The following MBD1 variants were observed in gnomAD, a reference collection of about 807,000 sequenced individuals.
MBD1 encodes the protein methyl-CpG-binding domain protein 1.
Under a neutral mutation model 82.6 loss-of-function variants are expected in MBD1, and 25 were observed. The ratio of observed to expected loss-of-function variants is 0.30; its 90% CI spans 0.22 to 0.42. MBD1 has a LOEUF of 0.42. MBD1 is among the 10% of genes least tolerant of loss of function. The pLI, the probability that MBD1 is intolerant of heterozygous loss-of-function variation, is 1.00. For synonymous variants in MBD1, 301 were observed against 303.7 expected (o/e 0.99, Z 0.09); for missense variants, 627 against 819.6 (o/e 0.76, Z 2.87).
At position 50,273,876 on chromosome 18, in the gene MBD1, A is replaced by T; in HGVS notation, c.1147-13T>A. The T allele has an allele frequency of 6.2e-7, 1 of 1,610,806 alleles. No homozygotes were observed. Among genetic ancestry groups the T allele is most frequent in the Non-Finnish European group, 8.5e-7 (1 of 1,179,904 alleles). On this transcript the variant is annotated splice_polypyrimidine_tract_variant and intron_variant, in intron 11 of 16. Coordinates refer to ENST00000269468, the MANE Select transcript of MBD1 (RefSeq NM_015846.4). ...GCAGCAGCCGCTTCTATGGGGAAAG[A>T]TAGGGTGCTATGGCTACCTGGTGTC...
intron 8 of MBD1, 97 bp from the exon 9 acceptor site, chr18:50,275,342 C>G: frequency 6.2e-7 from 1 of 1,612,570 alleles, no homozygotes; most frequent in Non-Finnish European, 8.5e-7. Flanking sequence ...ATGGGACAGG[C>G]AGACAGAGGG....
At chr18:50,274,664 A>G (rs1249748918) in intron 10 of MBD1, among the ~76,000 whole-genome samples, 1 of 152,076 alleles carries the variant, frequency 6.6e-6, no homozygotes, top group Non-Finnish European at 1.5e-5. Flanking sequence ...TTCCAGCAAC[A>G]TTTTGATAAC....
At chr18:50,272,469 T>C in intron 15 of MBD1, 1 of 644,262 alleles carries the variant, frequency 1.6e-6, no homozygotes. Context: ...CAAAGGAGAG[T>C]CCTAACCTGG....
rs1226572195 is a variant in MBD1, at chr18:50,276,539, T to C, written c.476-121A>G. The C allele has an allele frequency of 2.8e-6, 4 of 1,432,498 alleles. No individual in the cohort carries two copies. In the East Asian group the frequency reaches 9.2e-5, roughly 33 times the overall value. 88.7% of individuals were successfully genotyped at this position (1,432,498 alleles called of 1,614,324 possible). On this transcript the variant is annotated intron_variant, in intron 5 of 16. Transcript: ENST00000269468. The stretch of plus-strand genomic sequence containing the variant: ...CTACCTATGCCTGCTATCTCCAATA[T>C]CCAACCTCCAACCATGCCAGTAGCC...
intron 16 of MBD1, chr18:50,270,968 G>A (rs767828976): frequency 1.3e-4 from 121 of 904,048 alleles, no homozygotes; most frequent in Non-Finnish European, 1.6e-4. Flanking sequence ...CACATAAATG[G>A]ACAAAATCAA....
Position 50,275,239 on chromosome 18 carries a change from G to A in MBD1, c.799C>T (p.His267Tyr). 1.9e-6 allele frequency: 3 copies of A among 1,614,116 alleles called. No individual in the cohort carries two copies. Among genetic ancestry groups the A allele is most frequent in the South Asian group, 1.1e-5 (1 of 91,082 alleles). Reference protein sequence around the residue: ...CVQRRCLRGKHARRKGGCDSK... With the variant: ...CVQRRCLRGKYARRKGGCDSK... ...TCACAGCCTCCCTTGCGGCGGGCAT[G>A]TTTACCCTGGGAAAGATCAGAAAGG... Residue 267 changes from histidine to tyrosine, a missense_variant, in exon 9 of 17, where the codon CAT becomes TAT. His to Tyr is a moderately conservative substitution (Grantham distance 83). Coordinates refer to ENST00000269468, the MANE Select transcript of MBD1 (RefSeq NM_015846.4).
chr18:50,279,547 A>G (rs2039400385), intron 2 of MBD1, among the ~76,000 whole-genome samples: 1 of 152,366 alleles, frequency 6.6e-6, no homozygotes, highest in East Asian at 1.9e-4. Context: ...AAAATTAGAA[A>G]AATGTGACAC....
chr18:50,278,832 A>G (rs1215383532), intron 2 of MBD1, among the ~76,000 whole-genome samples: 3 of 152,230 alleles, frequency 2.0e-5, no homozygotes, highest in Non-Finnish European at 4.4e-5. Context: ...CTGTTTAAAC[A>G]CACATTACTT....
chr18:50,269,068 G>C lies in MBD1; in HGVS notation c.*783C>G. 1 of 986,848 alleles carries C rather than the reference G, an allele frequency of 1.0e-6. No homozygotes were observed. Among genetic ancestry groups the C allele is most frequent in the Non-Finnish European group, 1.2e-6 (1 of 830,644 alleles). 61.1% of individuals were successfully genotyped at this position (986,848 alleles called of 1,614,324 possible). On this transcript the variant is annotated 3_prime_UTR_variant, in exon 17 of 17. Coordinates refer to ENST00000269468, the MANE Select transcript of MBD1 (RefSeq NM_015846.4). ...ATTGATGCATTTAATAAAATTGCAT[G>C]GGCCGTATCTTTTGCATTTCTGTAT...
At chr18:50,277,782 G>A (rs2038609863) in intron 2 of MBD1, among the ~76,000 whole-genome samples, 2 of 151,870 alleles carry the variant, frequency 1.3e-5, no homozygotes, top group Non-Finnish European at 1.5e-5. Context: ...TAAGAGATAG[G>A]GTCTCCTTCC....
Position 50,279,975 on chromosome 18 carries a change from C to G in MBD1, c.18G>C (p.Leu6=). 1.2e-6 allele frequency: 2 copies of G among 1,610,488 alleles called. No homozygotes were observed. The highest frequency in any genetic ancestry group is 1.1e-5 in the South Asian group (1 of 91,080). MAEDW[L]DCPALGPGWK... ...AGCCAGGGCCCAGGGCCGGGCAGTCCAGCCAGTCCTCAGCCATGGAGGCCA... is the reference window on the plus strand; with the variant it reads ...AGCCAGGGCCCAGGGCCGGGCAGTCGAGCCAGTCCTCAGCCATGGAGGCCA... Residue 6 remains leucine (L), a synonymous_variant, in exon 2 of 17, where the codon CTG becomes CTC. Coordinates refer to ENST00000269468, the MANE Select transcript of MBD1 (RefSeq NM_015846.4).
At position 50,272,896 on chromosome 18, in the gene MBD1, C is replaced by G. The variant is rs1045816095; in HGVS notation, c.1644G>C (p.Lys548Asn). Residue 548 changes from lysine to asparagine, a missense_variant, in exon 14 of 17, where the codon AAG becomes AAC. Lys to Asn is a moderately conservative substitution (Grantham distance 94, BLOSUM62 0). This residue lies in a region of MBD1 where 265 missense variants were observed against 278.4 expected (regional missense o/e 0.95). Transcript: ENST00000269468. ...KQEPPDPEEDKEENKDDSASK... is the reference protein window; with the variant it reads ...KQEPPDPEEDNEENKDDSASK... The stretch of plus-strand genomic sequence containing the variant: ...AGGCAGAATCATCCTTGTTCTCCTC[C>G]TTGTCCTCCTCTGGGTCAGGTGGCT... 6.2e-7 allele frequency: 1 copy of G among 1,614,204 alleles called. No individual in the cohort carries two copies. Among genetic ancestry groups the G allele is most frequent in the East Asian group, 2.2e-5 (1 of 44,880 alleles).
chr18:50,277,335 C>T, intron 2 of MBD1, 131 bp from the exon 3 acceptor site: 3 of 706,406 alleles, frequency 4.2e-6, no homozygotes, highest in Admixed American at 4.2e-5. Context: ...CCAGCCCCCA[C>T]CTCAACTAAC....
intron 2 of MBD1, among the ~76,000 whole-genome samples, chr18:50,278,381 CTT>C (rs2038900661): frequency 6.6e-6 from 1 of 152,170 alleles, no homozygotes; most frequent in African/African-American, 2.4e-5. Flanking sequence ...AATAAACTGT[CTT>C]TGATCTGTAA....
intron 1 of MBD1, 185 bp downstream of exon 1, chr18:50,281,178 A>G (rs2040122810): frequency 6.5e-7 from 1 of 1,534,004 alleles, no homozygotes. Context: ...CAGAGTTCAG[A>G]GCTGCATTCC....
downstream of MBD1, among the ~76,000 whole-genome samples, chr18:50,268,225 G>A (rs1436057689): frequency 2.0e-5 from 3 of 151,834 alleles, no homozygotes; most frequent in African/African-American, 7.3e-5. Context: ...TGGGCCCGAA[G>A]TACGGCTTGG....
Position 50,275,899 on chromosome 18 carries a change from TG to T in MBD1, c.598del (p.His200MetfsTer122). On this transcript the variant is annotated frameshift_variant, in exon 7 of 17. Coordinates refer to ENST00000269468, the MANE Select transcript of MBD1 (RefSeq NM_015846.4). LOFTEE classifies it high-confidence loss of function. ...ACSTCLLQLP[H>X]DVASGLFCKC... ...GCAGAACAGCCCCGATGCCACATCA[TG>T]GGGCAGCTGCAGGAGGCAGGTGGAG... is the stretch of plus-strand genomic sequence containing the variant. 1 of 1,614,144 alleles carries T rather than the reference TG, an allele frequency of 6.2e-7. No individual in the cohort carries two copies.
At chr18:50,272,173 A>G (rs1000655873) in intron 15 of MBD1, among the ~76,000 whole-genome samples, 1 of 152,152 alleles carries the variant, frequency 6.6e-6, no homozygotes, top group Admixed American at 6.5e-5. Flanking sequence ...CTACGTGTGA[A>G]CCCAGCTCAC....
intron 16 of MBD1, 105 bp downstream of exon 16, chr18:50,271,364 T>C: frequency 6.3e-7 from 1 of 1,596,232 alleles, no homozygotes; most frequent in Non-Finnish European, 8.5e-7. Flanking sequence ...GGTAGTAGGT[T>C]TTTCCTCCTA....
Sources: allele counts gnomAD v4.1 joint callset (sites outside exome capture counted in the v4.1 genomes callset), GRCh38; gene constraint gnomAD v4.1.1; regional missense constraint gnomAD v4.1.1; transcripts MANE v1.5; gene names NCBI Gene and HGNC (gene_info 2026-07-23, HGNC 2026-07-21).